The following ADPGK variants were observed in gnomAD, a reference collection of about 807,000 sequenced individuals.
ADPGK encodes the protein ADP dependent glucokinase.
A neutral mutation model predicts 42.4 loss-of-function variants in ADPGK; 26 were observed. The ratio of observed to expected loss-of-function variants is 0.61; its 90% CI spans 0.45 to 0.85. ADPGK has a LOEUF of 0.85. ADPGK is among the 40% of genes least tolerant of loss of function. ADPGK has a pLI of 0.00. For missense variants in ADPGK, 571 were observed against 627.0 expected (o/e 0.91, Z 0.95); for synonymous variants, 267 against 252.6 (o/e 1.06, Z -0.54).
chr15:72,779,520 C>T (rs2066431135), intron 1 of ADPGK, among the ~76,000 whole-genome samples: 1 of 152,106 alleles, frequency 6.6e-6, no homozygotes, highest in African/African-American at 2.4e-5. Flanking sequence ...GCTGGGATTA[C>T]AGGCGTGAGC....
At chr15:72,756,692 A>G (rs1026607018) in intron 4 of ADPGK, 6 of 524,784 alleles carry the variant, frequency 1.1e-5, no homozygotes, top group African/African-American at 7.6e-5. Context: ...TTTTCAAGGT[A>G]ATTAGCTCCC....
At chr15:72,760,612 G>C in intron 3 of ADPGK, 85 bp from the exon 4 acceptor site, 1 of 1,419,876 alleles carries the variant, frequency 7.0e-7, no homozygotes, top group Non-Finnish European at 9.3e-7. Flanking sequence ...AGTACATTCA[G>C]GCTGATTCTA....
rs1490059351 is a variant in ADPGK, at chr15:72,752,648, C to T, written c.1187G>A (p.Trp396Ter). Reference sequence around the variant, plus strand: ...AGCCACGGCTGCCAGCTGGTTGGCCCAGTGTCCATCCACAGTTGCCAGGAT... The same window carrying T: ...AGCCACGGCTGCCAGCTGGTTGGCCTAGTGTCCATCCACAGTTGCCAGGAT... The part of the protein sequence containing the change: ...YHILATVDGH[W>*]ANQLAAVAAG... The change falls in exon 7 of 7, where the codon TGG (tryptophan) becomes TAG (stop). Residue 396 changes from tryptophan to a stop codon, truncating the protein, a stop_gained. Transcript: ENST00000456471. LOFTEE classifies it high-confidence loss of function. 6.2e-7 allele frequency: 1 copy of T among 1,614,244 alleles called. No individual in the cohort carries two copies. The highest frequency in any genetic ancestry group is 1.7e-5 in the Admixed American group (1 of 60,034).
At chr15:72,758,006 C>A in intron 4 of ADPGK, 3 of 1,469,202 alleles carry the variant, frequency 2.0e-6, no homozygotes, top group Non-Finnish European at 2.8e-6. Flanking sequence ...CCAAGAGAGG[C>A]TGGAACCTGA....
At chr15:72,761,264 T>C (rs2066189119) in intron 3 of ADPGK, among the ~76,000 whole-genome samples, 1 of 152,164 alleles carries the variant, frequency 6.6e-6, no homozygotes, top group Non-Finnish European at 1.5e-5. Flanking sequence ...CAAACAGACA[T>C]GGGATGTTGT....
intron 2 of ADPGK, 103 bp from the exon 3 acceptor site, chr15:72,771,948 A>G: frequency 1.1e-6 from 1 of 947,246 alleles, no homozygotes; most frequent in African/African-American, 1.7e-5. Context: ...CCATTTCCCA[A>G]AAACATTTTG....
At chr15:72,774,614 T>C (rs1256927387) in intron 2 of ADPGK, among the ~76,000 whole-genome samples, 2 of 152,190 alleles carry the variant, frequency 1.3e-5, no homozygotes, top group Non-Finnish European at 2.9e-5. Context: ...AGGTAAATTC[T>C]TGGGTCCCAT....
intron 6 of ADPGK, 33 bp downstream of exon 6, chr15:72,755,523 G>A: frequency 6.5e-7 from 1 of 1,536,802 alleles, no homozygotes; most frequent in Non-Finnish European, 9.0e-7. Flanking sequence ...GCTCTATGAG[G>A]ATCAGGGCCA....
intron 5 of ADPGK, 75 bp downstream of exon 5, chr15:72,756,176 C>A: frequency 6.4e-7 from 1 of 1,571,814 alleles, no homozygotes; most frequent in Middle Eastern, 1.7e-4. Context: ...GACAAGGCAG[C>A]AGATGCCAAG....
chr15:72,763,114 C>T (rs1006846106), intron 3 of ADPGK, among the ~76,000 whole-genome samples: 1 of 152,088 alleles, frequency 6.6e-6, no homozygotes, highest in African/African-American at 2.4e-5. Context: ...TAAAAGAAGT[C>T]CTTCTGGCAG....
At chr15:72,782,527 CAAA>C (rs5813692) in intron 1 of ADPGK, among the ~76,000 whole-genome samples, 1 of 61,282 alleles carries the variant, frequency 1.6e-5, no homozygotes, top group African/African-American at 6.9e-5. Flanking sequence ...ACCCTGTGTC[CAAA>C]AAAAAAAAAA....
At chr15:72,760,259 T>C (rs2066175059) in intron 4 of ADPGK, 148 bp downstream of exon 4, 2 of 1,033,978 alleles carry the variant, frequency 1.9e-6, no homozygotes, top group Admixed American at 5.0e-5. Context: ...ATCAGCTCAG[T>C]AGAACCAATA....
At chr15:72,753,011 GAT>G in intron 6 of ADPGK, 116 bp from the exon 7 acceptor site, 1 of 1,015,370 alleles carries the variant, frequency 9.8e-7, no homozygotes, top group Non-Finnish European at 1.4e-6. Context: ...TTTCTTCCTT[GAT>G]ACAGGACTCC....
chr15:72,777,672 C>T (rs1168199719), intron 1 of ADPGK, among the ~76,000 whole-genome samples: 2 of 151,696 alleles, frequency 1.3e-5, no homozygotes, highest in Admixed American at 6.6e-5. Flanking sequence ...AGCAAGACTC[C>T]ATCTCAAAAA....
chr15:72,761,649 G>A (rs1478585291), intron 3 of ADPGK, among the ~76,000 whole-genome samples: 17 of 151,912 alleles, frequency 1.1e-4, no homozygotes, highest in East Asian at 5.8e-4. Context: ...CAATGAGGAC[G>A]GCACTGAGAT....
intron 4 of ADPGK, chr15:72,757,900 A>G: frequency 1.7e-6 from 1 of 588,536 alleles, no homozygotes; most frequent in East Asian, 2.9e-5. Flanking sequence ...TCAGGAAGTG[A>G]CAGAGGCAAA....
At chr15:72,778,234 G>GC (rs2066413884) in intron 1 of ADPGK, among the ~76,000 whole-genome samples, 1 of 152,144 alleles carries the variant, frequency 6.6e-6, no homozygotes, top group African/African-American at 2.4e-5. Context: ...GGGTGAGAGA[G>GC]CAAGACCCTG....
intron 3 of ADPGK, among the ~76,000 whole-genome samples, chr15:72,767,054 T>G (rs935392948): frequency 1.3e-5 from 2 of 152,120 alleles, no homozygotes; most frequent in African/African-American, 4.8e-5. Flanking sequence ...AAATACACTT[T>G]AAGGTAAAAA....
At position 72,771,930 on chromosome 15, in the gene ADPGK, T is replaced by C. The variant is rs920999879; in HGVS notation, c.460-85A>G. 5 of 1,144,484 alleles carry C rather than the reference T, an allele frequency of 4.4e-6. No individual in the cohort carries two copies. In the African/African-American group the frequency reaches 7.9e-5, roughly 18 times the overall value. The allele number at this position is 1,144,484 out of a possible 1,614,324, so 70.9% of individuals were successfully genotyped here. A position where few individuals can be genotyped will look rare whatever the true frequency, so the allele number is the denominator to read the frequency against. On this transcript the variant is annotated intron_variant, in intron 2 of 6. Coordinates refer to ENST00000456471, the MANE Select transcript of ADPGK (RefSeq NM_001365225.1). ...AATCATTTTTTATTTTAAAAATTAA[T>C]TTATAGTCCATTTCCCAAAAACATT...
Sources: allele counts gnomAD v4.1 joint callset (sites outside exome capture counted in the v4.1 genomes callset), GRCh38; gene constraint gnomAD v4.1.1; transcripts MANE v1.5; gene names NCBI Gene and HGNC (gene_info 2026-07-23, HGNC 2026-07-21).